Variants in KCNMB2 observed in about 807,000 individuals in gnomAD.
KCNMB2 encodes the protein potassium calcium-activated channel subfamily M regulatory beta subunit 2.
In KCNMB2, 9 loss-of-function variants were observed where a neutral mutation model predicts 24.5. The observed-to-expected ratio is 0.37, with a 90% CI of 0.22 to 0.64. The LOEUF is 0.64. KCNMB2 is among the 30% of genes least tolerant of loss of function. KCNMB2 has a pLI of 0.63. For synonymous variants in KCNMB2, 109 were observed against 104.4 expected, an observed-to-expected ratio of 1.04 and a Z score of -0.27; for missense variants, 226 against 284.3, an observed-to-expected ratio of 0.79 and a Z score of 1.47.
Position 178,688,091 on chromosome 3 carries a change from G to C in KCNMB2, c.-67-119252G>C, listed in dbSNP as rs559888822. ...AAATTGAGAATCAAGGATTAAGTGG[G>C]CTGCTGACAACCCTCCCTTTTGCTT... is the stretch of plus-strand genomic sequence containing the variant. On this transcript the variant is annotated intron_variant, in intron 1 of 4. Coordinates refer to ENST00000452583, the MANE Select transcript of KCNMB2 (RefSeq NM_181361.3). 2.6e-5 allele frequency among the ~76,000 whole-genome samples: 4 copies of C among 152,234 alleles called. No individual in the cohort carries two copies. In the East Asian group the frequency reaches 5.8e-4, roughly 22 times the overall value.
At chr3:178,757,173 A>C (rs1043179022) in intron 1 of KCNMB2, 23 of 141,754 alleles carry the variant, frequency 1.6e-4, no homozygotes, top group African/African-American at 5.8e-4. Context: ...TGATAGGTTC[A>C]AGAAGTAAAA....
At chr3:178,818,910 C>T (rs1440842741) in intron 2 of KCNMB2, among the ~76,000 whole-genome samples, 1 of 120,502 alleles carries the variant, frequency 8.3e-6, no homozygotes, top group Non-Finnish European at 1.6e-5. Context: ...CCTCTATTCT[C>T]TTATATTCTG....
At chr3:178,595,948 A>G (rs1263671707) in intron 1 of KCNMB2, among the ~76,000 whole-genome samples, 1 of 150,328 alleles carries the variant, frequency 6.7e-6, no homozygotes, top group Non-Finnish European at 1.5e-5. Context: ...GGGTTTAATC[A>G]CTAGACACCC....
chr3:178,805,063 T>G (rs1713911060), intron 1 of KCNMB2, among the ~76,000 whole-genome samples: 1 of 152,250 alleles, frequency 6.6e-6, no homozygotes, highest in South Asian at 2.1e-4. Flanking sequence ...AGATTTAATT[T>G]CTACGTCTTT....
rs557399353 is a variant in KCNMB2 at position 178,782,060 on chromosome 3, G to A, written c.-67-25283G>A. On this transcript the variant is annotated intron_variant, in intron 1 of 4. Coordinates refer to ENST00000452583, the MANE Select transcript of KCNMB2 (RefSeq NM_181361.3). ...GCGGTGTTTGGTTTTTTGTTCTTGC[G>A]ATAGTTTACTGAGAATGATGATTTC... Among the ~76,000 whole-genome samples the A allele has an allele frequency of 2.6e-4, 31 of 118,010 alleles. 1 individual carries two copies. The East Asian group carries it at 5.0e-3, about 19-fold the overall frequency. The allele number at this position is 118,010 out of a possible 152,430, so 77.4% of individuals were successfully genotyped here.
At chr3:178,594,119 G>T (rs1577035209) in intron 1 of KCNMB2, among the ~76,000 whole-genome samples, 1 of 152,004 alleles carries the variant, frequency 6.6e-6, no homozygotes, top group East Asian at 1.9e-4. Context: ...CAAGAGTAAA[G>T]TGAGTGAAGG....
At chr3:178,730,404 C>CT (rs1723107315) in intron 1 of KCNMB2, among the ~76,000 whole-genome samples, 2 of 92,714 alleles carry the variant, frequency 2.2e-5, no homozygotes, top group East Asian at 2.8e-4. Context: ...TGTCCCCCAA[C>CT]ACCCCCCCAC....
intron 4 of KCNMB2, 58 bp downstream of exon 4, chr3:178,828,431 T>G: frequency 2.3e-6 from 3 of 1,324,376 alleles, no homozygotes; most frequent in Non-Finnish European, 3.2e-6. Context: ...CCAGGCTCTC[T>G]GCCTCTGAAG....
At chr3:178,623,019 C>T (rs953393192) in intron 1 of KCNMB2, among the ~76,000 whole-genome samples, 5 of 152,178 alleles carry the variant, frequency 3.3e-5, no homozygotes, top group African/African-American at 1.2e-4. Context: ...AAGTTTGGGA[C>T]ACCAGTAAGT....
chr3:178,800,364 C>T (rs916596185), intron 1 of KCNMB2, among the ~76,000 whole-genome samples: 2 of 152,018 alleles, frequency 1.3e-5, no homozygotes, highest in Non-Finnish European at 2.9e-5. Flanking sequence ...AAAGAATGGG[C>T]AACAGTTCTG....
chr3:178,681,247 A>G (rs1315204474), intron 1 of KCNMB2, among the ~76,000 whole-genome samples: 1 of 133,820 alleles, frequency 7.5e-6, no homozygotes, highest in African/African-American at 3.0e-5. Flanking sequence ...CTGGAGCTGC[A>G]GTTTTCTTGT....
intron 1 of KCNMB2, chr3:178,748,361 T>C (rs868168885): frequency 2.0e-4 from 31 of 152,252 alleles, no homozygotes; most frequent in African/African-American, 6.5e-4. Context: ...TTCCTGCTTA[T>C]GTCCTAAGAA....
chr3:178,562,451 A>C (rs534917456), intron 1 of KCNMB2, among the ~76,000 whole-genome samples: 22 of 152,204 alleles, frequency 1.4e-4, no homozygotes, highest in Non-Finnish European at 1.6e-4. Context: ...GTGAAAAAGC[A>C]GATAAGAAAG....
At chr3:178,835,645 A>C (rs1409141408) in intron 4 of KCNMB2, among the ~76,000 whole-genome samples, 2 of 151,950 alleles carry the variant, frequency 1.3e-5, no homozygotes, top group Non-Finnish European at 2.9e-5. Flanking sequence ...CACTAGAAAA[A>C]GTTCCATTGA....
intron 1 of KCNMB2, among the ~76,000 whole-genome samples, chr3:178,704,918 C>G (rs1488490356): frequency 6.6e-6 from 1 of 152,154 alleles, no homozygotes; most frequent in East Asian, 1.9e-4. Flanking sequence ...GAAATTTTCA[C>G]AAGTCTCCAG....
chr3:178,616,121 T>C (rs1009102647), intron 1 of KCNMB2, among the ~76,000 whole-genome samples: 2 of 152,094 alleles, frequency 1.3e-5, no homozygotes, highest in Non-Finnish European at 1.5e-5. Flanking sequence ...TTGTGAGCTA[T>C]GCAGCCTGAA....
At chr3:178,739,124 T>G (rs1723412608) in intron 1 of KCNMB2, among the ~76,000 whole-genome samples, 1 of 149,992 alleles carries the variant, frequency 6.7e-6, no homozygotes, top group Non-Finnish European at 1.5e-5. Context: ...AACATGTATA[T>G]CAGCAGGAGG....
intron 1 of KCNMB2, among the ~76,000 whole-genome samples, chr3:178,577,963 T>C (rs1339355351): frequency 2.6e-5 from 4 of 152,166 alleles, no homozygotes; most frequent in Admixed American, 2.6e-4. Context: ...TTCAGGATAT[T>C]ATCCAGGAGA....
intron 1 of KCNMB2, among the ~76,000 whole-genome samples, chr3:178,664,725 G>A (rs1359240914): frequency 6.6e-6 from 1 of 151,974 alleles, no homozygotes; most frequent in Non-Finnish European, 1.5e-5. Flanking sequence ...AAGAAAGGAA[G>A]GGAGAGAAGG....
Sources: allele counts gnomAD v4.1 joint callset (sites outside exome capture counted in the v4.1 genomes callset), GRCh38; gene constraint gnomAD v4.1.1; transcripts MANE v1.5; gene names NCBI Gene and HGNC (gene_info 2026-07-23, HGNC 2026-07-21).